The following NRXN1 variants were observed in gnomAD, a reference collection of about 807,000 sequenced individuals.
NRXN1 encodes neurexin 1.
Under a neutral mutation model 150.9 loss-of-function variants are expected in NRXN1, and 39 were observed. That is an observed-to-expected ratio of 0.26 (90% CI 0.20 to 0.34). The LOEUF (loss-of-function observed/expected upper bound fraction) is 0.34, where lower values mean the gene tolerates loss of function less well. Among genes scored for constraint, NRXN1 ranks in the 10% least tolerant of loss-of-function variants. The pLI is 1.00. For missense variants in NRXN1, 1,815 were observed against 1,949.9 expected (o/e 0.93, Z 1.30); for synonymous variants, 924 against 757.0 (o/e 1.22, Z -3.62).
intron 17 of NRXN1, among the ~76,000 whole-genome samples, chr2:50,453,699 A>C (rs1273252644): frequency 6.6e-6 from 1 of 152,172 alleles, no homozygotes; most frequent in Non-Finnish European, 1.5e-5. Context: ...TACCACATCA[A>C]ATGGACATTT....
intron 17 of NRXN1, among the ~76,000 whole-genome samples, chr2:50,446,576 T>C (rs557572598): frequency 7.4e-6 from 1 of 134,748 alleles, no homozygotes; most frequent in Admixed American, 7.2e-5. Context: ...CCTTCCTTCT[T>C]TCCTCCTTCC....
chr2:50,020,207 C>T (rs1011471256), intron 21 of NRXN1, among the ~76,000 whole-genome samples: 2 of 151,900 alleles, frequency 1.3e-5, no homozygotes, highest in Admixed American at 6.6e-5. Context: ...ATGGGTAATC[C>T]ATATTAAAAA....
At chr2:50,235,726 T>A (rs1332853884) in intron 18 of NRXN1, among the ~76,000 whole-genome samples, 2 of 151,964 alleles carry the variant, frequency 1.3e-5, no homozygotes, top group East Asian at 1.9e-4. Context: ...GAAGGAGAAC[T>A]TATAGGGAAA....
chr2:50,897,886 G>A (rs932828149), intron 5 of NRXN1, among the ~76,000 whole-genome samples: 2 of 152,154 alleles, frequency 1.3e-5, no homozygotes, highest in Non-Finnish European at 2.9e-5. Flanking sequence ...CTTTAAATGG[G>A]TTCTATTTAC....
chr2:50,728,369 A>C (rs763719486), intron 5 of NRXN1, among the ~76,000 whole-genome samples: 5 of 152,196 alleles, frequency 3.3e-5, no homozygotes, highest in Non-Finnish European at 5.9e-5. Context: ...TGAGGATGAC[A>C]AAATTTAAGG....
At chr2:50,908,362 TACACACACACAC>T in intron 5 of NRXN1, among the ~76,000 whole-genome samples, 1 of 148,228 alleles carries the variant, frequency 6.7e-6, no homozygotes, top group South Asian at 2.1e-4. Flanking sequence ...CATTCACACA[TACACACACACAC>T]ACACACACAC....
chr2:51,025,845 A>G (rs1670359022), intron 2 of NRXN1, among the ~76,000 whole-genome samples: 1 of 152,188 alleles, frequency 6.6e-6, no homozygotes, highest in South Asian at 2.1e-4. Context: ...TTAAAGCTGA[A>G]GTGCTGTATA....
chr2:50,445,714 G>A (rs2086342296), intron 17 of NRXN1, among the ~76,000 whole-genome samples: 1 of 152,130 alleles, frequency 6.6e-6, no homozygotes, highest in South Asian at 2.1e-4. Flanking sequence ...TCAACCTTAA[G>A]CAATGACATA....
intron 18 of NRXN1, among the ~76,000 whole-genome samples, chr2:50,181,849 C>T (rs532104661): frequency 3.3e-5 from 5 of 152,090 alleles, no homozygotes; most frequent in East Asian, 3.9e-4. Context: ...TCATGGAAAA[C>T]GAGCATTGTT....
chr2:50,295,144 C>G (rs2073413566), intron 17 of NRXN1, among the ~76,000 whole-genome samples: 1 of 152,178 alleles, frequency 6.6e-6, no homozygotes, highest in African/African-American at 2.4e-5. Flanking sequence ...CCCTGGCCTT[C>G]CTCCCTACCC....
intron 18 of NRXN1, among the ~76,000 whole-genome samples, chr2:50,101,685 T>G (rs1270576506): frequency 6.6e-6 from 1 of 152,058 alleles, no homozygotes; most frequent in East Asian, 1.9e-4. Context: ...GTAATTATTT[T>G]CAGTGCTTCC....
chr2:50,107,540 T>TATATATATATATATA (rs1553617159), intron 18 of NRXN1, among the ~76,000 whole-genome samples: 2 of 110,470 alleles, frequency 1.8e-5, no homozygotes, highest in African/African-American at 3.4e-5. Context: ...TATATATATA[T>TATATATATATATATA]TTTTTTTTTT....
At chr2:50,848,359 TCTATGCTCC>T (rs1674000663) in intron 5 of NRXN1, among the ~76,000 whole-genome samples, 1 of 152,120 alleles carries the variant, frequency 6.6e-6, no homozygotes, top group Admixed American at 6.5e-5. Flanking sequence ...CCTCCTAATG[TCTATGCTCC>T]CTAGGAAAGT....
At chr2:50,107,606 C>A (rs1474100187) in intron 18 of NRXN1, among the ~76,000 whole-genome samples, 1 of 83,764 alleles carries the variant, frequency 1.2e-5, no homozygotes, top group Non-Finnish European at 2.7e-5. Flanking sequence ...GAAAAAAAAA[C>A]TACCCAGCTA....
chr2:50,849,310 C>A (rs144072309), intron 5 of NRXN1, among the ~76,000 whole-genome samples: 64 of 152,262 alleles, frequency 4.2e-4, no homozygotes, highest in African/African-American at 1.5e-3. Flanking sequence ...ATTGTAAATT[C>A]TTTCTGTGTT....
intron 15 of NRXN1, among the ~76,000 whole-genome samples, chr2:50,487,653 T>C (rs1001149502): frequency 6.6e-6 from 1 of 152,240 alleles, no homozygotes; most frequent in African/African-American, 2.4e-5. Flanking sequence ...AGAGGAATTG[T>C]ACAGTACCCG....
At chr2:50,564,632 C>T (rs1573567438) in intron 8 of NRXN1, among the ~76,000 whole-genome samples, 1 of 151,984 alleles carries the variant, frequency 6.6e-6, no homozygotes, top group South Asian at 2.1e-4. Flanking sequence ...TTTTATTTAG[C>T]TTATACTGGG....
intron 17 of NRXN1, among the ~76,000 whole-genome samples, chr2:50,431,663 A>G (rs1386768601): frequency 6.6e-6 from 1 of 152,234 alleles, no homozygotes; most frequent in Non-Finnish European, 1.5e-5. Context: ...AAGTGTTATT[A>G]TAACACAGCC....
intron 9 of NRXN1, among the ~76,000 whole-genome samples, chr2:50,543,477 C>T (rs562083469): frequency 2.7e-3 from 417 of 152,050 alleles, no homozygotes; most frequent in African/African-American, 8.4e-3. Context: ...AATGTAGAAA[C>T]GACATTACAT....
Sources: allele counts gnomAD v4.1 joint callset (sites outside exome capture counted in the v4.1 genomes callset), GRCh38; gene constraint gnomAD v4.1.1; transcripts MANE v1.5; gene names NCBI Gene and HGNC (gene_info 2026-07-23, HGNC 2026-07-21).